Variants in AACS observed in about 807,000 individuals in gnomAD.
AACS encodes acetoacetyl-CoA synthetase, also known as acetoacetate-CoA ligase.
AACS carries 69 observed loss-of-function variants against 83.1 expected under a neutral mutation model. That is an observed-to-expected ratio of 0.83 (90% CI 0.68 to 1.01). The LOEUF (loss-of-function observed/expected upper bound fraction) is 1.01. Among genes scored for constraint, AACS ranks in the 50% least tolerant of loss-of-function variants. The probability of loss-of-function intolerance (pLI) is 0.00; values close to 1 mark genes in which losing one functional copy is unlikely to be tolerated. For missense variants in AACS, 866 were observed against 882.2 expected (o/e 0.98, Z 0.23); for synonymous variants, 333 against 343.4 (o/e 0.97, Z 0.33).
intron 2 of AACS, 108 bp from the exon 3 acceptor site, chr12:125,076,381 TTC>T: frequency 1.4e-6 from 2 of 1,473,762 alleles, no homozygotes; most frequent in Non-Finnish European, 1.8e-6. Flanking sequence ...GTGAGCTGGC[TTC>T]CTGGGAAGAA....
intron 3 of AACS, among the ~76,000 whole-genome samples, chr12:125,079,417 T>C (rs1956110437): frequency 6.6e-6 from 1 of 152,132 alleles, no homozygotes; most frequent in Admixed American, 6.5e-5. Flanking sequence ...GGTCTCACTC[T>C]ATTGCCTAGG....
intron 14 of AACS, among the ~76,000 whole-genome samples, chr12:125,133,223 T>A (rs1957351714): frequency 6.6e-6 from 1 of 152,142 alleles, no homozygotes; most frequent in South Asian, 2.1e-4. Flanking sequence ...TTGGTGACTC[T>A]CTCGGCTGTG....
At position 125,124,973 on chromosome 12, in the gene AACS, G is replaced by A. The variant is rs777602739; in HGVS notation, c.1258G>A (p.Glu420Lys). ...TGSPLKAQSY[E>K]YVYRCIKSSI... ...CTCCCCACTGAAAGCCCAGAGCTAC[G>A]AGTATGTCTACAGGTGCATCAAGAG... Residue 420 changes from glutamate (E) to lysine (K), a missense_variant, in exon 12 of 18, where the codon GAG (glutamate) becomes AAG (lysine). Coordinates refer to ENST00000316519, the MANE Select transcript of AACS (RefSeq NM_023928.5). 7 of 1,614,156 alleles carry A rather than the reference G, an allele frequency of 4.3e-6. No individual in the cohort carries two copies. The highest frequency in any genetic ancestry group is 2.2e-5 in the South Asian group (2 of 91,078).
chr12:125,092,967 T>G (rs1956521595), intron 5 of AACS, among the ~76,000 whole-genome samples: 1 of 152,172 alleles, frequency 6.6e-6, no homozygotes, highest in South Asian at 2.1e-4. Flanking sequence ...CTCTGCTCCA[T>G]GTGGCTTCCT....
intron 3 of AACS, among the ~76,000 whole-genome samples, chr12:125,082,864 G>A (rs1319500182): frequency 6.6e-6 from 1 of 152,106 alleles, no homozygotes; most frequent in African/African-American, 2.4e-5. Context: ...GGTAATTCAT[G>A]TTATAGAACT....
At chr12:125,133,289 T>TTGGCCG (rs1337460003) in intron 14 of AACS, among the ~76,000 whole-genome samples, 6 of 152,140 alleles carry the variant, frequency 3.9e-5, no homozygotes, top group Non-Finnish European at 7.3e-5. Context: ...GGAACCTCTC[T>TTGGCCG]CCTTAGAGGC....
chr12:125,102,477 T>A, intron 5 of AACS: 1 of 522,006 alleles, frequency 1.9e-6, no homozygotes, highest in Non-Finnish European at 3.5e-6. Flanking sequence ...TTGCCATTTT[T>A]TTTTTTAGAG....
intron 10 of AACS, chr12:125,120,532 A>C (rs1409879063): frequency 6.6e-6 from 1 of 152,226 alleles, no homozygotes; most frequent in Non-Finnish European, 1.5e-5. Context: ...GCAAAAGGTT[A>C]ATCAAATCCC....
chr12:125,089,117 G>GC (rs1417980742), intron 4 of AACS, among the ~76,000 whole-genome samples: 1 of 152,192 alleles, frequency 6.6e-6, no homozygotes, highest in East Asian at 1.9e-4. Flanking sequence ...ACCGAGTCCT[G>GC]CCCTGACCCT....
chr12:125,065,821 G>GGGCTC, intron 1 of AACS, 104 bp downstream of exon 1: 3 of 1,380,972 alleles, frequency 2.2e-6, no homozygotes, highest in Non-Finnish European at 2.8e-6. Flanking sequence ...GGGGCTGGAG[G>GGGCTC]AGCCACTTGA....
intron 10 of AACS, chr12:125,120,307 T>C (rs1030006380): frequency 6.6e-6 from 1 of 152,152 alleles, no homozygotes; most frequent in Non-Finnish European, 1.5e-5. Context: ...GAGATAAGAA[T>C]ATAGAAGTTG....
At chr12:125,119,504 G>T (rs191875338) in intron 10 of AACS, among the ~76,000 whole-genome samples, 1 of 152,162 alleles carries the variant, frequency 6.6e-6, no homozygotes, top group Non-Finnish European at 1.5e-5. Flanking sequence ...GACTGGGGAG[G>T]CCTCACAATC....
rs1957521488 is a variant in AACS at position 125,142,772 on chromosome 12, C to T, written c.*543C>T. 1 of 153,830 alleles carries T rather than the reference C, an allele frequency of 6.5e-6. No homozygotes were observed. The allele number at this position is 153,830 out of a possible 1,614,324, so 9.5% of individuals were successfully genotyped here. ...GCTGGGTGTTCACGTGTGTCTGTGT[C>T]ATGGATGCAATGCAGGCCCTGGAGG... On this transcript the variant is annotated 3_prime_UTR_variant, in exon 18 of 18. Transcript: ENST00000316519.
In AACS at chr12:125,097,289, A is replaced by G. The variant is rs1396274849; in HGVS notation, c.571-5390A>G. Among the ~76,000 whole-genome samples the G allele has an allele frequency of 6.6e-6, 1 of 152,090 alleles. No individual in the cohort carries two copies. Among genetic ancestry groups the G allele is most frequent in the Non-Finnish European group, 1.5e-5 (1 of 68,006 alleles). ...CCAAGGACGTCACTGAGGAAGGGGT[A>G]CCGGGGGTACCCTTGAAATGGAGGA... On this transcript the variant is annotated intron_variant, in intron 5 of 17. Transcript: ENST00000316519. The surrounding 1 kb of genome is among the most constrained non-coding windows in gnomAD (Gnocchi z 4.3).
In AACS at chr12:125,118,753, T is replaced by C; in HGVS notation, c.1109T>C (p.Val370Ala). ...ACGCCCAATGTGCTCTGGGACCTGG[T>C]TGACAGGATAGGGTAGGTACCAAGA... ...VPTPNVLWDL[V>A]DRIGITVLVT... is the part of the protein sequence containing the mutation. Residue 370 changes from valine (V) to alanine (A), a missense_variant, in exon 10 of 18, where the codon GTT becomes GCT. Physicochemically the swap from Val to Ala is moderately conservative, Grantham distance 64. Coordinates refer to ENST00000316519, the MANE Select transcript of AACS (RefSeq NM_023928.5). The C allele has an allele frequency of 3.1e-6, 5 of 1,614,072 alleles. No homozygotes were observed. Among genetic ancestry groups the C allele is most frequent in the Non-Finnish European group, 4.2e-6 (5 of 1,179,974 alleles).
At chr12:125,082,280 T>C (rs377179863) in intron 3 of AACS, among the ~76,000 whole-genome samples, 29 of 151,588 alleles carry the variant, frequency 1.9e-4, no homozygotes, top group African/African-American at 6.8e-4. Context: ...CAAGCAAGTC[T>C]ACCACCTCAG....
intron 5 of AACS, chr12:125,101,409 T>C (rs1197491248): frequency 6.6e-6 from 1 of 152,206 alleles, no homozygotes; most frequent in Admixed American, 6.5e-5. Context: ...CCTTTTAAGA[T>C]GGGGCTCATT....
At chr12:125,081,555 A>G (rs1332519842) in intron 3 of AACS, among the ~76,000 whole-genome samples, 1 of 152,142 alleles carries the variant, frequency 6.6e-6, no homozygotes, top group African/African-American at 2.4e-5. Context: ...AGCAAAACTC[A>G]TCTCTCCTAT....
chr12:125,066,519 G>T (rs1293628652), intron 1 of AACS, among the ~76,000 whole-genome samples: 1 of 145,920 alleles, frequency 6.9e-6, no homozygotes, highest in Non-Finnish European at 1.5e-5. Flanking sequence ...GCGAGATCTC[G>T]GCACACTGCA....
Sources: allele counts gnomAD v4.1 joint callset (sites outside exome capture counted in the v4.1 genomes callset), GRCh38; gene constraint gnomAD v4.1.1; non-coding constraint Gnocchi (gnomAD v3.1); transcripts MANE v1.5; gene names NCBI Gene and HGNC (gene_info 2026-07-23, HGNC 2026-07-21).